Variants in TFRC observed in about 807,000 individuals in gnomAD.
TFRC encodes transferrin receptor.
Under a neutral mutation model 85.8 loss-of-function variants are expected in TFRC, and 35 were observed. That is an observed-to-expected ratio of 0.41 (90% CI 0.31 to 0.54). TFRC has a LOEUF of 0.54. TFRC is among the 20% of genes least tolerant of loss of function. TFRC has a pLI of 0.31. For synonymous variants in TFRC, 362 were observed against 328.6 expected (o/e 1.10, Z -1.10); for missense variants, 828 against 921.5 (o/e 0.90, Z 1.31).
intron 10 of TFRC, 140 bp downstream of exon 10, chr3:196,065,303 T>G (rs756521529): frequency 1.9e-6 from 1 of 513,074 alleles, no homozygotes; most frequent in African/African-American, 2.0e-5. Context: ...CAATTAACTT[T>G]AGGACAGACA....
At position 196,062,651 on chromosome 3, in the gene TFRC, A is replaced by T. The variant is rs1717380755; in HGVS notation, c.1405-6T>A. On this transcript the variant is annotated splice_polypyrimidine_tract_variant and splice_region_variant and intron_variant, in intron 12 of 18. Coordinates refer to ENST00000360110, the MANE Select transcript of TFRC (RefSeq NM_001128148.3). ...TGCAGGGACGAAAGGTATCCCTAGA[A>T]GAGAAGGGAAAACACTAATAAGTAT... 6.2e-7 allele frequency: 1 copy of T among 1,603,138 alleles called. No homozygotes were observed. Among genetic ancestry groups the T allele is most frequent in the Non-Finnish European group, 8.5e-7 (1 of 1,176,484 alleles).
intron 11 of TFRC, among the ~76,000 whole-genome samples, chr3:196,063,878 A>G (rs1386351652): frequency 6.6e-6 from 1 of 152,044 alleles, no homozygotes; most frequent in Admixed American, 6.6e-5. Context: ...GTGAGATCAC[A>G]CCACTGCACT....
intron 3 of TFRC, 160 bp from the exon 4 acceptor site, chr3:196,074,285 C>A: frequency 1.7e-6 from 1 of 576,654 alleles, no homozygotes; most frequent in South Asian, 2.9e-5. Flanking sequence ...ATACTTTAAA[C>A]CACTTAATAA....
chr3:196,076,687 G>A (rs1718733486), intron 2 of TFRC, among the ~76,000 whole-genome samples: 1 of 150,816 alleles, frequency 6.6e-6, no homozygotes, highest in Admixed American at 6.6e-5. Context: ...TTGAACTCCT[G>A]ACCACAGGTG....
In TFRC at chr3:196,051,698, A is replaced by ATGT. The variant is rs1716321800; in HGVS notation, c.*243_*244insACA. The ATGT allele has an allele frequency of 2.1e-6, 1 of 483,760 alleles. No homozygotes were observed. The highest frequency in any genetic ancestry group is 3.7e-6 in the Non-Finnish European group (1 of 273,424). 30.0% of individuals were successfully genotyped at this position (483,760 alleles called of 1,614,324 possible). ...GGCAGTTCCCATTACAAAGCACTTA[A>ATGT]AATTCTAGAGATAGGGGAATATTCC... On this transcript the variant is annotated 3_prime_UTR_variant, in exon 19 of 19. Transcript: ENST00000360110.
Position 196,073,940 on chromosome 3 carries a change from C to T in TFRC, c.424G>A (p.Gly142Ser), listed in dbSNP as rs3817672. 0.51 allele frequency: 826,116 copies of T among 1,611,674 alleles called. 220,542 individuals are homozygous for T. The highest frequency in any genetic ancestry group is 0.6 in the Middle Eastern group (3,602 of 6,040). The change falls in exon 4 of 19, where the codon GGC (glycine) becomes AGC (serine). Residue 142 changes from glycine (G) to serine (S), a missense_variant. By Grantham distance (56) the Gly-to-Ser change is moderately conservative. Coordinates refer to ENST00000360110, the MANE Select transcript of TFRC (RefSeq NM_001128148.3). ...GCAGCTGGCACTCACTTGATGGTGC[C>T]GGTGAAGTCTGTGCTGTCCAGTTTC... ...SEKLDSTDFT[G>S]TIKLLNENSY...
At chr3:196,059,565 C>T (rs1290344269) in intron 14 of TFRC, among the ~76,000 whole-genome samples, 1 of 152,138 alleles carries the variant, frequency 6.6e-6, no homozygotes, top group East Asian at 1.9e-4. Flanking sequence ...CTCCAATATA[C>T]AGCCTCTAAT....
rs1716270924 is a variant in TFRC at position 196,051,130 on chromosome 3, C to T, written c.*812G>A. 1.9e-5 allele frequency: 4 copies of T among 215,510 alleles called. No individual in the cohort carries two copies. The highest frequency in any genetic ancestry group is 3.7e-5 in the Non-Finnish European group (4 of 106,718). 13.3% of individuals were successfully genotyped at this position (215,510 alleles called of 1,614,324 possible). On this transcript the variant is annotated 3_prime_UTR_variant, in exon 19 of 19. Coordinates refer to ENST00000360110, the MANE Select transcript of TFRC (RefSeq NM_001128148.3). The stretch of plus-strand genomic sequence containing the variant: ...GATTAACACTTTGGCCAAAATTTGG[C>T]AGCATATTATTCTTTAAAGTCTGAC...
intron 16 of TFRC, among the ~76,000 whole-genome samples, chr3:196,056,603 T>C (rs1231607592): frequency 1.3e-5 from 2 of 151,606 alleles, no homozygotes; most frequent in Non-Finnish European, 2.9e-5. Context: ...GGTTTAACCA[T>C]GTTGGCCAGG....
intron 3 of TFRC, 46 bp from the exon 4 acceptor site, chr3:196,074,171 A>G: frequency 6.5e-7 from 1 of 1,531,920 alleles, no homozygotes; most frequent in Non-Finnish European, 8.9e-7. Context: ...TTCATTTGTA[A>G]TCTATCCCTG....
In TFRC at chr3:196,053,398, T is replaced by C. The variant is rs1392368109; in HGVS notation, c.2040+20A>G. ...ATTTTACACATACTTTAGTTCCTCC[T>C]TTCCCAAAAGTTCACTTACTCTCAT... is the stretch of plus-strand genomic sequence containing the variant. On this transcript the variant is annotated intron_variant, in intron 18 of 18. Transcript: ENST00000360110. The C allele has an allele frequency of 6.2e-7, 1 of 1,614,016 alleles. No homozygotes were observed. Among genetic ancestry groups the C allele is most frequent in the Non-Finnish European group, 8.5e-7 (1 of 1,179,908 alleles).
intron 1 of TFRC, 21 bp from the exon 2 acceptor site, chr3:196,077,143 T>G: frequency 6.3e-7 from 1 of 1,587,418 alleles, no homozygotes; most frequent in Non-Finnish European, 8.6e-7. Flanking sequence ...GAATAGAGAA[T>G]TATTGAGAAA....
chr3:196,073,671 A>G lies in TFRC; in HGVS notation c.434+259T>C, dbSNP rs41301361. 1.1e-3 allele frequency among the ~76,000 whole-genome samples: 166 copies of G among 152,328 alleles called. 3 individuals carry two copies. The East Asian group carries it at 0.028, about 25-fold the overall frequency. On this transcript the variant is annotated intron_variant, in intron 4 of 18. Transcript: ENST00000360110. Reference sequence around the variant, plus strand: ...CAGAGCCAGAGAATGACAGCAAGCAATAAGCTACAAAGATGGGGAAAACAT... The same window carrying G: ...CAGAGCCAGAGAATGACAGCAAGCAGTAAGCTACAAAGATGGGGAAAACAT...
Position 196,077,706 on chromosome 3 carries a change from C to A in TFRC, c.-23-584G>T, listed in dbSNP as rs565338983. 2.6e-5 allele frequency among the ~76,000 whole-genome samples: 4 copies of A among 151,828 alleles called. 1 individual carries two copies. The South Asian group carries it at 6.2e-4, about 24-fold the overall frequency. ...GGTGGAGCTTGCAGTGAGCCAAGAT[C>A]GCGCCACTGCACTCCAGCCTGGAAA... is the stretch of plus-strand genomic sequence containing the variant. On this transcript the variant is annotated intron_variant, in intron 1 of 18. Transcript: ENST00000360110.
Position 196,053,497 on chromosome 3 carries a change from G to T in TFRC, c.1961C>A (p.Ser654Tyr). The stretch of plus-strand genomic sequence containing the variant: ...ATTCCCGAAATCTGTTGTTAGTCTG[G>T]AAGTAGCACGGAAGAAGTCTCCACG... The part of the protein sequence containing the change: ...SARGDFFRAT[S>Y]RLTTDFGNAE... Residue 654 changes from serine to tyrosine, a missense_variant, in exon 18 of 19, where the codon TCC becomes TAC. Physicochemically the swap from Ser to Tyr is moderately radical, Grantham distance 144. Coordinates refer to ENST00000360110, the MANE Select transcript of TFRC (RefSeq NM_001128148.3). The T allele has an allele frequency of 6.2e-7, 1 of 1,614,168 alleles. No homozygotes were observed. Among genetic ancestry groups the T allele is most frequent in the Non-Finnish European group, 8.5e-7 (1 of 1,180,030 alleles).
chr3:196,074,878 C>CAAA (rs34596231), intron 3 of TFRC, among the ~76,000 whole-genome samples: 2 of 98,722 alleles, frequency 2.0e-5, no homozygotes, highest in African/African-American at 4.0e-5. Context: ...GACTCCAACT[C>CAAA]AAAAAAAAAA....
chr3:196,074,397 G>C (rs1718481765), intron 3 of TFRC: 2 of 263,840 alleles, frequency 7.6e-6, no homozygotes, highest in South Asian at 1.4e-4. Context: ...TGCACCGCCA[G>C]TGTCCTGCGG....
At chr3:196,057,387 C>T (rs1344025461) in intron 16 of TFRC, among the ~76,000 whole-genome samples, 2 of 152,126 alleles carry the variant, frequency 1.3e-5, no homozygotes, top group African/African-American at 4.8e-5. Context: ...CGCAGACTCC[C>T]TTAGTTGTAA....
At chr3:196,057,346 C>G (rs1032003124) in intron 16 of TFRC, among the ~76,000 whole-genome samples, 2 of 152,092 alleles carry the variant, frequency 1.3e-5, no homozygotes, top group African/African-American at 4.8e-5. Context: ...TCACGTACCC[C>G]CTGCTTGCCC....
Sources: gnomAD v4.1 joint callset for allele counts (sites outside exome capture counted in the v4.1 genomes callset) on GRCh38, gnomAD v4.1.1 for gene constraint, MANE v1.5 for transcripts, NCBI Gene and HGNC (gene_info 2026-07-23, HGNC 2026-07-21) for gene names.